Variants in LRRTM4 observed in about 807,000 individuals in gnomAD.
LRRTM4 encodes the protein leucine rich repeat transmembrane neuronal 4.
Under a neutral mutation model 47.6 loss-of-function variants are expected in LRRTM4, and 25 were observed. That is an observed-to-expected ratio of 0.53 (90% CI 0.38 to 0.73). The LOEUF (loss-of-function observed/expected upper bound fraction) is 0.73, where lower values mean the gene tolerates loss of function less well. LRRTM4 is among the 30% of genes least tolerant of loss of function. The pLI is 0.00. For synonymous variants in LRRTM4, 311 were observed against 269.5 expected, an observed-to-expected ratio of 1.15 and a Z score of -1.51; for missense variants, 638 against 713.4, an observed-to-expected ratio of 0.89 and a Z score of 1.20.
At chr2:76,950,954 A>C (rs1213553955) in intron 3 of LRRTM4, among the ~76,000 whole-genome samples, 6 of 152,022 alleles carry the variant, frequency 3.9e-5, no homozygotes, top group Non-Finnish European at 8.8e-5. Flanking sequence ...GTTTTCCTTC[A>C]TTTCAACACT....
chr2:77,104,711 G>A (rs369927736), intron 3 of LRRTM4, among the ~76,000 whole-genome samples: 5 of 152,148 alleles, frequency 3.3e-5, no homozygotes, highest in Admixed American at 6.5e-5. Context: ...ACTTGGTGGC[G>A]CCAATTTGAG....
intron 3 of LRRTM4, among the ~76,000 whole-genome samples, chr2:77,259,698 T>A (rs1013814980): frequency 3.3e-5 from 5 of 151,930 alleles, no homozygotes; most frequent in African/African-American, 1.2e-4. Flanking sequence ...GATGAGTGAG[T>A]GGTCTAGGTG....
At position 77,283,658 on chromosome 2, in the gene LRRTM4, G is replaced by A. The variant is rs373154770; in HGVS notation, c.1551+234660C>T. On this transcript the variant is annotated intron_variant, in intron 3 of 3. Coordinates refer to ENST00000409884, the MANE Select transcript of LRRTM4 (RefSeq NM_001134745.3). ...TGCAACCATAAAAAGTAATGAAATCGTATCTTTTGCAACAACATGGATGCA... is the reference window on the plus strand; with the variant it reads ...TGCAACCATAAAAAGTAATGAAATCATATCTTTTGCAACAACATGGATGCA... 1.6e-4 allele frequency among the ~76,000 whole-genome samples: 24 copies of A among 152,014 alleles called. No individual in the cohort carries two copies. The South Asian group carries it at 4.4e-3, about 28-fold the overall frequency.
chr2:77,061,709 T>C (rs1679791445), intron 3 of LRRTM4, among the ~76,000 whole-genome samples: 1 of 152,174 alleles, frequency 6.6e-6, no homozygotes, highest in Non-Finnish European at 1.5e-5. Context: ...TTATCCTCCA[T>C]ATTGAAAGAC....
At chr2:76,807,438 GTATATACATATATA>G (rs1284649079) in intron 3 of LRRTM4, among the ~76,000 whole-genome samples, 27 of 65,184 alleles carry the variant, frequency 4.1e-4, no homozygotes, top group Middle Eastern at 7.6e-3. Flanking sequence ...ATATATATAC[GTATATACATATATA>G]TATATACATA....
chr2:77,378,981 TG>T (rs1430687274), intron 3 of LRRTM4, among the ~76,000 whole-genome samples: 1 of 152,154 alleles, frequency 6.6e-6, no homozygotes, highest in African/African-American at 2.4e-5. Context: ...AAATGTTTTT[TG>T]TTCATTTTGT....
chr2:76,937,662 G>A (rs752384856), intron 3 of LRRTM4, among the ~76,000 whole-genome samples: 5 of 152,156 alleles, frequency 3.3e-5, no homozygotes, highest in Non-Finnish European at 5.9e-5. Context: ...TCCGCCTCCC[G>A]TGGGCAAGCG....
chr2:77,420,037 G>A (rs1674810357), intron 3 of LRRTM4, among the ~76,000 whole-genome samples: 1 of 152,180 alleles, frequency 6.6e-6, no homozygotes, highest in Non-Finnish European at 1.5e-5. Flanking sequence ...TGAAGGTGTT[G>A]GCTGGTGTTT....
chr2:76,803,578 G>T (rs577976154), intron 3 of LRRTM4, among the ~76,000 whole-genome samples: 4 of 152,078 alleles, frequency 2.6e-5, no homozygotes, highest in Admixed American at 6.6e-5. Context: ...CAGATGATTC[G>T]GCAATACCGC....
At chr2:77,073,438 A>G (rs1424032032) in intron 3 of LRRTM4, among the ~76,000 whole-genome samples, 1 of 152,064 alleles carries the variant, frequency 6.6e-6, no homozygotes, top group Non-Finnish European at 1.5e-5. Context: ...GAGGAATTAT[A>G]TAGCATTTCC....
rs1027848152 is a variant in LRRTM4 at position 77,151,688 on chromosome 2, A to G, written c.1551+366630T>C. On this transcript the variant is annotated intron_variant, in intron 3 of 3. Transcript: ENST00000409884. ...GTCAGTCAGTCACAGAAAAACAAAGATTGCATTTCATGTTCTTTTTAAAAC... is the reference window on the plus strand; with the variant it reads ...GTCAGTCAGTCACAGAAAAACAAAGGTTGCATTTCATGTTCTTTTTAAAAC... Among the ~76,000 whole-genome samples the G allele has an allele frequency of 2.0e-5, 3 of 152,178 alleles. No homozygotes were observed. The South Asian group carries it at 6.2e-4, about 31-fold the overall frequency.
At chr2:76,929,537 C>A (rs535290810) in intron 3 of LRRTM4, among the ~76,000 whole-genome samples, 1 of 152,196 alleles carries the variant, frequency 6.6e-6, no homozygotes, top group African/African-American at 2.4e-5. Context: ...CTTTTTTTAA[C>A]TTCGGTTTTC....
chr2:77,281,247 AAG>A (rs1219920334), intron 3 of LRRTM4, among the ~76,000 whole-genome samples: 1 of 151,956 alleles, frequency 6.6e-6, no homozygotes, highest in Admixed American at 6.6e-5. Flanking sequence ...AAATGCCTAC[AAG>A]AAGCTCATGG....
intron 3 of LRRTM4, among the ~76,000 whole-genome samples, chr2:77,494,305 T>G (rs932570796): frequency 6.6e-6 from 1 of 152,090 alleles, no homozygotes. Context: ...CTTCATCTGT[T>G]TGTTTTTGGT....
intron 3 of LRRTM4, among the ~76,000 whole-genome samples, chr2:76,896,890 T>G (rs190170577): frequency 6.7e-6 from 1 of 150,042 alleles, no homozygotes; most frequent in Non-Finnish European, 1.5e-5. Context: ...GTAACACAAC[T>G]TCTATCAAAC....
rs114612058 is a variant in LRRTM4 at position 77,356,554 on chromosome 2, G to A, written c.1551+161764C>T. On this transcript the variant is annotated intron_variant, in intron 3 of 3. Coordinates refer to ENST00000409884, the MANE Select transcript of LRRTM4 (RefSeq NM_001134745.3). ...ATCTTCAATTTTGGTGGTTAAAATC[G>A]AGTACAGGATTCAATTTGTTTAGAG... 4.8e-3 allele frequency among the ~76,000 whole-genome samples: 732 copies of A among 152,252 alleles called. 8 individuals are homozygous for A. Among genetic ancestry groups the A allele is most frequent in the African/African-American group, 0.017 (688 of 41,534 alleles).
chr2:76,884,627 G>A (rs1420298143), intron 3 of LRRTM4, among the ~76,000 whole-genome samples: 1 of 152,008 alleles, frequency 6.6e-6, no homozygotes, highest in East Asian at 1.9e-4. Flanking sequence ...AACCTTATGT[G>A]GTTTTGTTTA....
At chr2:76,874,869 C>T (rs1259853550) in intron 3 of LRRTM4, among the ~76,000 whole-genome samples, 3 of 151,200 alleles carry the variant, frequency 2.0e-5, no homozygotes. Context: ...TGATGAGTAG[C>T]CTTAGCTCTC....
chr2:77,048,990 T>A (rs908557706), intron 3 of LRRTM4, among the ~76,000 whole-genome samples: 2 of 151,356 alleles, frequency 1.3e-5, no homozygotes, highest in Non-Finnish European at 3.0e-5. Context: ...AGCTTTTTAG[T>A]TTCCACATAC....
Sources: gnomAD v4.1 joint callset for allele counts (sites outside exome capture counted in the v4.1 genomes callset) on GRCh38, gnomAD v4.1.1 for gene constraint, MANE v1.5 for transcripts, NCBI Gene and HGNC (gene_info 2026-07-23, HGNC 2026-07-21) for gene names.